Variants in DMRT1 observed in about 807,000 individuals in gnomAD.
The protein encoded by DMRT1 is doublesex- and mab-3-related transcription factor 1.
DMRT1 carries 7 observed loss-of-function variants against 32.3 expected under a neutral mutation model. The observed-to-expected ratio is 0.22, with a 90% CI of 0.12 to 0.41. The LOEUF (loss-of-function observed/expected upper bound fraction) is 0.41, where lower values mean the gene tolerates loss of function less well. Among genes scored for constraint, DMRT1 ranks in the 10% least tolerant of loss-of-function variants. DMRT1 has a pLI of 1.00. For synonymous variants in DMRT1, 278 were observed against 206.1 expected (o/e 1.35, Z -2.99); for missense variants, 625 against 500.5 (o/e 1.25, Z -2.37).
intron 3 of DMRT1, among the ~76,000 whole-genome samples, chr9:895,232 G>T (rs907495171): frequency 2.6e-5 from 4 of 152,178 alleles, no homozygotes; most frequent in African/African-American, 9.7e-5. Flanking sequence ...TGCTTCCTCA[G>T]TTGCAACCAT....
intron 4 of DMRT1, among the ~76,000 whole-genome samples, chr9:967,699 G>A (rs1279119309): frequency 6.6e-6 from 1 of 152,188 alleles, no homozygotes; most frequent in Non-Finnish European, 1.5e-5. Flanking sequence ...CAAAGAGGAT[G>A]CAGCCGACTT....
At chr9:885,330 G>GT (rs1393246139) in intron 2 of DMRT1, among the ~76,000 whole-genome samples, 1 of 152,220 alleles carries the variant, frequency 6.6e-6, no homozygotes, top group East Asian at 1.9e-4. Flanking sequence ...TTGCCTTGGT[G>GT]TACCAAAAGA....
At chr9:929,127 C>T (rs2129846276) in intron 4 of DMRT1, among the ~76,000 whole-genome samples, 1 of 152,266 alleles carries the variant, frequency 6.6e-6, no homozygotes, top group Middle Eastern at 3.4e-3. Context: ...GCATGAGCCA[C>T]CACTCCCGGC....
intron 4 of DMRT1, among the ~76,000 whole-genome samples, chr9:919,189 C>T (rs1165250849): frequency 1.3e-5 from 2 of 152,144 alleles, no homozygotes; most frequent in South Asian, 2.1e-4. Flanking sequence ...ATTATTTATT[C>T]TAAATAGGGA....
At chr9:932,114 C>G (rs183911378) in intron 4 of DMRT1, among the ~76,000 whole-genome samples, 1 of 152,196 alleles carries the variant, frequency 6.6e-6, no homozygotes, top group African/African-American at 2.4e-5. Context: ...ACCCCACTCA[C>G]GGGAACACTT....
chr9:927,606 GTATTTA>G, intron 4 of DMRT1, among the ~76,000 whole-genome samples: 1 of 152,270 alleles, frequency 6.6e-6, no homozygotes, highest in African/African-American at 2.4e-5. Context: ...AGCTTTATAT[GTATTTA>G]TATTTATATA....
At chr9:856,659 C>T (rs1268184210) in intron 2 of DMRT1, among the ~76,000 whole-genome samples, 2 of 152,142 alleles carry the variant, frequency 1.3e-5, no homozygotes, top group African/African-American at 4.8e-5. Context: ...ATCTGGGTTA[C>T]TTATGGGTTT....
chr9:930,418 T>A (rs557947172), intron 4 of DMRT1, among the ~76,000 whole-genome samples: 5 of 149,586 alleles, frequency 3.3e-5, no homozygotes, highest in Admixed American at 2.7e-4. Context: ...TTAAAAAAAT[T>A]TTTTTTTTTT....
chr9:850,867 GA>G (rs1839115670), intron 2 of DMRT1, among the ~76,000 whole-genome samples: 1 of 151,748 alleles, frequency 6.6e-6, no homozygotes, highest in African/African-American at 2.4e-5. Context: ...CATCTCTACT[GA>G]AAATATAAAA....
At position 857,342 on chromosome 9, in the gene DMRT1, A is replaced by G. The variant is rs549599004; in HGVS notation, c.538+10199A>G. Among the ~76,000 whole-genome samples, 129 of 152,194 alleles carry G rather than the reference A, an allele frequency of 8.5e-4. 2 individuals are homozygous for G. The South Asian group carries it at 0.011, about 12-fold the overall frequency. On this transcript the variant is annotated intron_variant, in intron 2 of 4. Transcript: ENST00000382276. ...TATATATGTGTATATATTGAATATA[A>G]TATGTATATATATATTCAGTCTTTG... is the stretch of plus-strand genomic sequence containing the variant.
intron 4 of DMRT1, among the ~76,000 whole-genome samples, chr9:959,877 T>C (rs2129992008): frequency 6.6e-6 from 1 of 152,314 alleles, no homozygotes; most frequent in South Asian, 2.1e-4. Flanking sequence ...CATGCATGGG[T>C]TAGTCCTGTT....
At chr9:955,207 C>G (rs943669546) in intron 4 of DMRT1, among the ~76,000 whole-genome samples, 1 of 152,052 alleles carries the variant, frequency 6.6e-6, no homozygotes, top group African/African-American at 2.4e-5. Context: ...TTGTCCAGTG[C>G]TCCTGAGAGA....
chr9:859,912 T>C (rs996166227), intron 2 of DMRT1, among the ~76,000 whole-genome samples: 1 of 152,240 alleles, frequency 6.6e-6, no homozygotes, highest in African/African-American at 2.4e-5. Flanking sequence ...ATTCAGCATA[T>C]AGTAACAGAT....
intron 2 of DMRT1, among the ~76,000 whole-genome samples, chr9:888,339 C>T (rs928768590): frequency 6.6e-6 from 1 of 151,792 alleles, no homozygotes; most frequent in African/African-American, 2.4e-5. Flanking sequence ...AGAGTCTTGC[C>T]CCTTTGCCCA....
intron 4 of DMRT1, among the ~76,000 whole-genome samples, chr9:921,885 A>G (rs992184459): frequency 4.6e-5 from 7 of 152,136 alleles, no homozygotes; most frequent in African/African-American, 1.7e-4. Flanking sequence ...CACTGCATCC[A>G]GCACTGCATC....
chr9:858,054 C>A (rs1209704298), intron 2 of DMRT1, among the ~76,000 whole-genome samples: 1 of 151,984 alleles, frequency 6.6e-6, no homozygotes, highest in African/African-American at 2.4e-5. Context: ...GGTTTCAAGT[C>A]TTTGCTATTG....
rs1037497330 is a variant in DMRT1 at position 854,265 on chromosome 9, C to T, written c.538+7122C>T. On this transcript the variant is annotated intron_variant, in intron 2 of 4. Coordinates refer to ENST00000382276, the MANE Select transcript of DMRT1 (RefSeq NM_021951.3). Reference sequence around the variant, plus strand: ...CCAGGTAGCTGGGACTACAGGTGCGCTACATGCCCAGCTAATTTTATTAAT... The same window carrying T: ...CCAGGTAGCTGGGACTACAGGTGCGTTACATGCCCAGCTAATTTTATTAAT... 3.3e-5 allele frequency among the ~76,000 whole-genome samples: 5 copies of T among 152,034 alleles called. No individual in the cohort carries two copies. In the South Asian group the frequency reaches 8.3e-4, roughly 25 times the overall value.
chr9:916,999 T>C, intron 4 of DMRT1, 92 bp downstream of exon 4: 1 of 1,421,854 alleles, frequency 7.0e-7, no homozygotes, highest in Non-Finnish European at 9.9e-7. Flanking sequence ...GCTTAGCTGT[T>C]AGTAATTGTT....
chr9:906,480 G>T (rs543528466), intron 3 of DMRT1, among the ~76,000 whole-genome samples: 47 of 152,150 alleles, frequency 3.1e-4, no homozygotes, highest in Non-Finnish European at 5.4e-4. Context: ...TGCTGATAGG[G>T]CTATATCTCT....
Sources: gnomAD v4.1 joint callset for allele counts (sites outside exome capture counted in the v4.1 genomes callset) on GRCh38, gnomAD v4.1.1 for gene constraint, MANE v1.5 for transcripts, NCBI Gene and HGNC (gene_info 2026-07-23, HGNC 2026-07-21) for gene names.